The following RADX variants were observed in gnomAD, a reference collection of about 807,000 sequenced individuals.
RADX encodes the protein RPA1 related single stranded DNA binding protein, X-linked.
Under a neutral mutation model 61.6 loss-of-function variants are expected in RADX, and 36 were observed. That is an observed-to-expected ratio of 0.58 (90% CI 0.45 to 0.77). The LOEUF (loss-of-function observed/expected upper bound fraction) is 0.77. Ranked by LOEUF, RADX falls within the 30% of genes least tolerant of loss-of-function variation. The pLI is 0.00. For synonymous variants in RADX, 272 were observed against 237.9 expected (o/e 1.14, Z -1.32); for missense variants, 497 against 651.1 (o/e 0.76, Z 2.58).
chrX:106,631,525 T>G (rs1927216289), intron 3 of RADX, among the ~76,000 whole-genome samples: 2 of 105,793 alleles, frequency 1.9e-5, no homozygotes, highest in African/African-American at 7.2e-5. Context: ...CTGGGCAACA[T>G]AAGACCCCCC....
chrX:106,639,447 G>A, intron 8 of RADX, 80 bp from the exon 9 acceptor site: 1 of 846,566 alleles, frequency 1.2e-6, no homozygotes. Context: ...TTTGTGTTGT[G>A]AAATTACATT....
chrX:106,672,194 C>A (rs778614990), intron 13 of RADX, among the ~76,000 whole-genome samples: 3 of 111,904 alleles, frequency 2.7e-5, no homozygotes, highest in African/African-American at 6.5e-5. Context: ...TTCAATGACA[C>A]TAAGTACATT....
At chrX:106,631,935 G>A (rs1172514825) in intron 3 of RADX, among the ~76,000 whole-genome samples, 3 of 111,606 alleles carry the variant, frequency 2.7e-5, no homozygotes, top group Middle Eastern at 4.2e-3. Context: ...TTTACACATT[G>A]CTGGTAGAAA....
At chrX:106,673,708 G>T (rs1928428955) in intron 13 of RADX, among the ~76,000 whole-genome samples, 1 of 101,149 alleles carries the variant, frequency 9.9e-6, no homozygotes, top group Non-Finnish European at 2.0e-5. Flanking sequence ...ACCGCCCCTG[G>T]TACACTGTCT....
intron 6 of RADX, among the ~76,000 whole-genome samples, chrX:106,635,445 T>C (rs1280499974): frequency 8.9e-6 from 1 of 111,774 alleles, no homozygotes; most frequent in Non-Finnish European, 1.9e-5. Context: ...TAACATGAGA[T>C]CTACTGGCTT....
intron 13 of RADX, among the ~76,000 whole-genome samples, chrX:106,677,095 T>TG (rs1928530796): frequency 8.9e-6 from 1 of 112,172 alleles, no homozygotes; most frequent in Non-Finnish European, 1.9e-5. Flanking sequence ...ATCCCAGCTG[T>TG]GGGAATGCTC....
In RADX at chrX:106,679,397, G is replaced by C. The variant is rs1340414400; in HGVS notation, c.*1139G>C. ...GTTAACTAAACAGTGGATTCCTCTC[G>C]TGTTACAGTTTTGAGTGAATTATTA... On this transcript the variant is annotated 3_prime_UTR_variant, in exon 14 of 14. Coordinates refer to ENST00000372548, the MANE Select transcript of RADX (RefSeq NM_018015.6). 1 of 111,590 alleles carries C rather than the reference G, an allele frequency of 9.0e-6. No homozygotes were observed. Among genetic ancestry groups the C allele is most frequent in the Non-Finnish European group, 1.9e-5 (1 of 53,094 alleles). The allele number at this position is 111,590 out of a possible 1,213,427, so 9.2% of individuals were successfully genotyped here.
rs1928589546 is a variant in RADX, at chrX:106,679,301, G to C, written c.*1043G>C. The C allele has an allele frequency of 8.9e-6, 1 of 112,122 alleles. No homozygotes were observed. Among genetic ancestry groups the C allele is most frequent in the Non-Finnish European group, 1.9e-5 (1 of 53,233 alleles). 9.2% of individuals were successfully genotyped at this position (112,122 alleles called of 1,213,427 possible). ...GCTTTAAATGTGTTGAGCAGCCTAT[G>C]AACCTAAAGACATACTGCAGTTTGT... On this transcript the variant is annotated 3_prime_UTR_variant, in exon 14 of 14. Coordinates refer to ENST00000372548, the MANE Select transcript of RADX (RefSeq NM_018015.6).
chrX:106,631,834 A>G (rs964529884), intron 3 of RADX, among the ~76,000 whole-genome samples: 6 of 110,382 alleles, frequency 5.4e-5, no homozygotes, highest in Non-Finnish European at 1.1e-4. Flanking sequence ...AAAGAAAAGA[A>G]AGAAAGAAAA....
chrX:106,631,529 A>AC (rs370791281), intron 3 of RADX, among the ~76,000 whole-genome samples: 3,770 of 107,201 alleles, frequency 0.035, 197 homozygotes, highest in African/African-American at 0.12. Flanking sequence ...GCAACATAAG[A>AC]CCCCCCCATC....
At chrX:106,637,666 A>G in intron 7 of RADX, 94 bp from the exon 8 acceptor site, 1 of 720,162 alleles carries the variant, frequency 1.4e-6, no homozygotes, top group Non-Finnish European at 2.0e-6. Context: ...GATTGTTTTA[A>G]TAGTAAACTG....
intron 3 of RADX, among the ~76,000 whole-genome samples, chrX:106,631,993 C>A (rs755735055): frequency 9.0e-6 from 1 of 111,183 alleles, no homozygotes; most frequent in Non-Finnish European, 1.9e-5. Context: ...TGCTATAGAG[C>A]TGAACATTTA....
chrX:106,612,349 C>T lies in RADX; in HGVS notation c.269C>T (p.Pro90Leu), dbSNP rs756257741. ...GAGCCACGCGACACGGTGCCCAAGC[C>T]TCCCCTTTATTGCTATGATGTGACG... ...EDEPRDTVPK[P>L]PLYCYDVTIS... Residue 90 changes from proline to leucine, a missense_variant, in exon 1 of 14, where the codon CCT (proline) becomes CTT (leucine). This residue lies in a region of RADX where 196 missense variants were observed against 315.0 expected (regional missense o/e 0.62). Transcript: ENST00000372548. The T allele has an allele frequency of 2.3e-5, 28 of 1,209,954 alleles. No individual in the cohort carries two copies. Among genetic ancestry groups the T allele is most frequent in the Non-Finnish European group, 2.9e-5 (26 of 895,259 alleles).
rs1927850821 is a variant in RADX, at chrX:106,653,464, A to G, written c.1978+5078A>G. Among the ~76,000 whole-genome samples the G allele has an allele frequency of 2.7e-5, 3 of 111,223 alleles. No individual in the cohort carries two copies. The Admixed American group carries it at 2.9e-4, about 11-fold the overall frequency. ...GTAGACCTTGGAGAAAACACTAAAA[A>G]AAAGTGTAGCTAATCAATAGCAGGG... On this transcript the variant is annotated intron_variant, in intron 11 of 13. Coordinates refer to ENST00000372548, the MANE Select transcript of RADX (RefSeq NM_018015.6).
chrX:106,618,234 T>C, intron 1 of RADX, among the ~76,000 whole-genome samples: 2 of 111,010 alleles, frequency 1.8e-5, no homozygotes, highest in Middle Eastern at 4.7e-3. Flanking sequence ...ATCAGTTTTG[T>C]CGTTTTTTTT....
intron 12 of RADX, among the ~76,000 whole-genome samples, chrX:106,663,039 G>A (rs1165912568): frequency 1.8e-5 from 2 of 110,616 alleles, no homozygotes; most frequent in Non-Finnish European, 3.8e-5. Context: ...GTATTTCACA[G>A]GAAGATCTTA....
chrX:106,622,506 G>A (rs182746489), intron 1 of RADX, 145 bp from the exon 2 acceptor site: 2 of 466,867 alleles, frequency 4.3e-6, no homozygotes, highest in Admixed American at 9.1e-5. Context: ...TTTATGAGAG[G>A]TAATAGACTT....
chrX:106,622,482 G>C (rs1190878650), intron 1 of RADX, among the ~76,000 whole-genome samples, 169 bp from the exon 2 acceptor site: 1 of 110,608 alleles, frequency 9.0e-6, no homozygotes, highest in Non-Finnish European at 1.9e-5. Flanking sequence ...GTTAATATTA[G>C]GGATCAAATG....
chrX:106,613,529 A>G (rs1304246382), intron 1 of RADX, among the ~76,000 whole-genome samples: 2 of 112,059 alleles, frequency 1.8e-5, no homozygotes, highest in Non-Finnish European at 3.8e-5. Context: ...AAATAAGAGA[A>G]AGTACTGGAA....
Sources: allele counts gnomAD v4.1 joint callset (sites outside exome capture counted in the v4.1 genomes callset), GRCh38; gene constraint gnomAD v4.1.1; regional missense constraint gnomAD v4.1.1; transcripts MANE v1.5; gene names NCBI Gene and HGNC (gene_info 2026-07-23, HGNC 2026-07-21).